Variants in THBS4 observed in about 807,000 individuals in gnomAD.
The protein encoded by THBS4 is thrombospondin-4.
A neutral mutation model predicts 115.7 loss-of-function variants in THBS4; 90 were observed. That is an observed-to-expected ratio of 0.78 (90% CI 0.66 to 0.93). The LOEUF is 0.93. THBS4 is among the 40% of genes least tolerant of loss of function. The probability of loss-of-function intolerance (pLI) is 0.00; values close to 1 mark genes in which losing one functional copy is unlikely to be tolerated. For missense variants in THBS4, 1,087 were observed against 1,232.7 expected (o/e 0.88, Z 1.77); for synonymous variants, 460 against 479.3 (o/e 0.96, Z 0.53).
chr5:80,029,945 G>C (rs1832553986), intron 2 of THBS4, among the ~76,000 whole-genome samples: 1 of 152,094 alleles, frequency 6.6e-6, no homozygotes. Context: ...ACTCCAGCCT[G>C]GGCGACAGCG....
At chr5:80,073,529 G>C (rs200503107) in intron 15 of THBS4, among the ~76,000 whole-genome samples, 1 of 152,066 alleles carries the variant, frequency 6.6e-6, no homozygotes, top group African/African-American at 2.4e-5. Context: ...GACTACAGGC[G>C]CCCGCTACCA....
intron 2 of THBS4, among the ~76,000 whole-genome samples, chr5:80,008,005 C>T (rs946602954): frequency 4.6e-5 from 7 of 152,124 alleles, no homozygotes; most frequent in African/African-American, 1.7e-4. Flanking sequence ...GGGCCCAGGT[C>T]TGGAATAAAT....
chr5:80,038,456 CTTAAG>C (rs1832786929), intron 1 of THBS4, among the ~76,000 whole-genome samples: 2 of 151,992 alleles, frequency 1.3e-5, no homozygotes, highest in African/African-American at 4.8e-5. Context: ...ATATAGAACC[CTTAAG>C]TTGTTTTCGG....
chr5:80,022,728 C>A (rs1242544939), intron 2 of THBS4, among the ~76,000 whole-genome samples: 1 of 152,152 alleles, frequency 6.6e-6, no homozygotes, highest in Non-Finnish European at 1.5e-5. Context: ...TGAGAAAACA[C>A]CTTCTCAAAA....
intron 2 of THBS4, among the ~76,000 whole-genome samples, chr5:80,040,846 T>G (rs1184629915): frequency 6.6e-6 from 1 of 152,170 alleles, no homozygotes; most frequent in African/African-American, 2.4e-5. Flanking sequence ...CTTTCTTGTG[T>G]CACAACGTGG....
chr5:80,016,035 GA>G (rs1003680592), intron 2 of THBS4, among the ~76,000 whole-genome samples: 2 of 152,158 alleles, frequency 1.3e-5, no homozygotes, highest in African/African-American at 4.8e-5. Flanking sequence ...TCTTGGACCA[GA>G]AGGGCTGTCT....
intron 2 of THBS4, among the ~76,000 whole-genome samples, chr5:80,026,405 G>A (rs1832476782): frequency 6.6e-6 from 1 of 152,164 alleles, no homozygotes; most frequent in African/African-American, 2.4e-5. Context: ...CCTTCCTTCT[G>A]TGTTTTCTTC....
intron 2 of THBS4, among the ~76,000 whole-genome samples, chr5:80,047,154 T>C (rs1352690765): frequency 6.6e-6 from 1 of 152,214 alleles, no homozygotes; most frequent in Non-Finnish European, 1.5e-5. Context: ...AATGAACAGA[T>C]ACTGTGATGC....
At chr5:80,064,858 G>A (rs1454610702) in intron 8 of THBS4, among the ~76,000 whole-genome samples, 1 of 151,978 alleles carries the variant, frequency 6.6e-6, no homozygotes, top group East Asian at 1.9e-4. Context: ...ATTAGACACA[G>A]CTTAGCAGGG....
chr5:80,035,616 AC>A lies in THBS4; in HGVS notation c.85del (p.Gln29ArgfsTer13), dbSNP rs771166085. 34 of 1,384,928 alleles carry A rather than the reference AC, an allele frequency of 2.5e-5. No homozygotes were observed. The highest frequency in any genetic ancestry group is 9.0e-5 in the Admixed American group (3 of 33,342). The allele number at this position is 1,384,928 out of a possible 1,614,324, so 85.8% of individuals were successfully genotyped here. The stretch of plus-strand genomic sequence containing the variant: ...GTGGCTAGCGGCAGGCGCCCAGGCC[AC>A]CCCCCAGGGTAAGTGGGTTCGGGTC... The part of the protein sequence containing the change: ...QRWLAAGAQA[T>X]PQVFDLLPSS... On this transcript the variant is annotated frameshift_variant, in exon 1 of 22. Transcript: ENST00000350881. LOFTEE classifies it high-confidence loss of function. The surrounding 1 kb of genome is among the most constrained non-coding windows in gnomAD (Gnocchi z 4.6).
At chr5:80,004,000 C>T (rs1831963575) in intron 2 of THBS4, among the ~76,000 whole-genome samples, 1 of 152,152 alleles carries the variant, frequency 6.6e-6, no homozygotes, top group African/African-American at 2.4e-5. Flanking sequence ...TGGGATGTTG[C>T]TAATGTGACC....
intron 20 of THBS4, among the ~76,000 whole-genome samples, chr5:80,080,612 G>C (rs1743454302): frequency 1.7e-5 from 1 of 58,550 alleles, no homozygotes; most frequent in African/African-American, 5.9e-5. Flanking sequence ...TTTGGAGACG[G>C]AATCCCACTC....
At chr5:80,078,520 C>G (rs1388570165) in intron 17 of THBS4, among the ~76,000 whole-genome samples, 1 of 152,208 alleles carries the variant, frequency 6.6e-6, no homozygotes. Context: ...ACCCACACTT[C>G]TGATCTCTGC....
At position 80,026,723 on chromosome 5, in the gene THBS4, A is replaced by G. The variant is rs189761629; in HGVS notation, n.178-13354A>G. ...AAATTATTCTTAGCTCACTGATCCT[A>G]TAAAAACAAGCAGTGGGCCAGATTC... On this transcript the variant is annotated intron_variant and non_coding_transcript_variant, in intron 2 of 3. Coordinates refer to the THBS4 transcript ENST00000510218. Among the ~76,000 whole-genome samples the G allele has an allele frequency of 1.5e-3, 234 of 152,388 alleles. 1 individual carries two copies. Among genetic ancestry groups the G allele is most frequent in the African/African-American group, 5.4e-3 (223 of 41,592 alleles).
At chr5:80,038,937 T>C (rs1832802822) in intron 1 of THBS4, among the ~76,000 whole-genome samples, 1 of 152,230 alleles carries the variant, frequency 6.6e-6, no homozygotes, top group Non-Finnish European at 1.5e-5. Context: ...TTACTAATTT[T>C]CCAATTCGAT....
At chr5:80,062,503 C>A (rs1232766760) in intron 8 of THBS4, among the ~76,000 whole-genome samples, 1 of 152,154 alleles carries the variant, frequency 6.6e-6, no homozygotes, top group African/African-American at 2.4e-5. Flanking sequence ...TATTTCCTAG[C>A]TGCCTATCAA....
chr5:80,066,616 AAAAAG>A, intron 9 of THBS4: 1 of 152,362 alleles, frequency 6.6e-6, no homozygotes, highest in Non-Finnish European at 1.5e-5. Context: ...CAAAAAGAAA[AAAAAG>A]AAATGTTACG....
chr5:80,040,748 T>C (rs903119009), intron 2 of THBS4, among the ~76,000 whole-genome samples: 2 of 152,204 alleles, frequency 1.3e-5, no homozygotes, highest in African/African-American at 2.4e-5. Context: ...TACCGGAGAC[T>C]GGGTAATTTA....
chr5:79,997,036 T>G (rs946502298), intron 1 of THBS4, among the ~76,000 whole-genome samples: 9 of 151,944 alleles, frequency 5.9e-5, no homozygotes, highest in Non-Finnish European at 1.2e-4. Context: ...AATAGTTTTT[T>G]TTTTTTTTTT....
Sources: gnomAD v4.1 joint callset for allele counts (sites outside exome capture counted in the v4.1 genomes callset) on GRCh38, gnomAD v4.1.1 for gene constraint, Gnocchi (gnomAD v3.1) non-coding constraint, MANE v1.5 for transcripts, NCBI Gene and HGNC (gene_info 2026-07-23, HGNC 2026-07-21) for gene names.